Variants in RGS7 observed in about 807,000 individuals in gnomAD.
The protein encoded by RGS7 is regulator of G-protein signaling 7.
Under a neutral mutation model 81.1 loss-of-function variants are expected in RGS7, and 27 were observed. The ratio of observed to expected loss-of-function variants is 0.33; its 90% CI spans 0.25 to 0.46. The LOEUF (loss-of-function observed/expected upper bound fraction) is 0.46. Among genes scored for constraint, RGS7 ranks in the 20% least tolerant of loss-of-function variants. The pLI is 1.00. For missense variants in RGS7, 396 were observed against 607.4 expected (o/e 0.65, Z 3.66); for synonymous variants, 208 against 207.7 (o/e 1.00, Z -0.01).
intron 1 of RGS7, 77 bp from the exon 2 acceptor site, chr1:241,355,903 C>T: frequency 1.3e-6 from 1 of 788,684 alleles, no homozygotes; most frequent in Non-Finnish European, 2.2e-6. Flanking sequence ...ACAGCACCCA[C>T]CCCACATGGC....
intron 2 of RGS7, among the ~76,000 whole-genome samples, chr1:241,264,642 T>C (rs1291568575): frequency 6.6e-6 from 1 of 152,248 alleles, no homozygotes; most frequent in East Asian, 1.9e-4. Flanking sequence ...ATGAAATGAA[T>C]GTATTCAGGT....
At position 240,782,172 on chromosome 1, in the gene RGS7, G is replaced by A. The variant is rs191145066; in HGVS notation, c.*7-5959C>T. Among the ~76,000 whole-genome samples the A allele has an allele frequency of 7.2e-3, 1,103 of 152,280 alleles. 17 individuals are homozygous for A. The highest frequency in any genetic ancestry group is 0.023 in the African/African-American group (972 of 41,556). On this transcript the variant is annotated intron_variant, in intron 18 of 18. Coordinates refer to ENST00000440928, the MANE Select transcript of RGS7 (RefSeq NM_001364886.1). ...ACATAGTGGAAAGGAAAATGCATAA[G>A]CCCTACTCTAGTGCACAAAGAAATG...
chr1:241,142,143 C>T (rs1260873344), intron 2 of RGS7, among the ~76,000 whole-genome samples: 1 of 152,220 alleles, frequency 6.6e-6, no homozygotes, highest in Non-Finnish European at 1.5e-5. Flanking sequence ...CAGCTCCACC[C>T]CTGTGGCTCT....
chr1:241,017,439 CAAAAA>C (rs554731685), intron 3 of RGS7, among the ~76,000 whole-genome samples: 2 of 73,096 alleles, frequency 2.7e-5, no homozygotes, highest in East Asian at 5.3e-4. Context: ...CACTCTGTCT[CAAAAA>C]AAAAAAAAAA....
At chr1:241,120,960 G>A (rs12025762) in intron 2 of RGS7, among the ~76,000 whole-genome samples, 43,213 of 151,932 alleles carry the variant, frequency 0.28, 7,486 homozygotes, top group African/African-American at 0.49. Context: ...GACTCAAGGC[G>A]AGGACACCGT....
At chr1:241,003,305 C>T (rs780341981) in intron 3 of RGS7, among the ~76,000 whole-genome samples, 5 of 151,484 alleles carry the variant, frequency 3.3e-5, no homozygotes, top group Non-Finnish European at 5.9e-5. Flanking sequence ...ACTAAAAATA[C>T]AAAAAATTAG....
intron 2 of RGS7, among the ~76,000 whole-genome samples, chr1:241,219,305 G>A (rs2147975646): frequency 6.6e-6 from 1 of 152,144 alleles, no homozygotes; most frequent in Middle Eastern, 3.4e-3. Flanking sequence ...TTAAAAAGAG[G>A]AGTTTCCCTG....
intron 9 of RGS7, among the ~76,000 whole-genome samples, chr1:240,840,101 T>C (rs1027565304): frequency 6.6e-6 from 1 of 152,114 alleles, no homozygotes; most frequent in African/African-American, 2.4e-5. Flanking sequence ...TTCTAATTCC[T>C]CTCTTGCTTT....
chr1:241,249,600 G>A (rs561182645), intron 2 of RGS7, among the ~76,000 whole-genome samples: 140 of 152,124 alleles, frequency 9.2e-4, no homozygotes, highest in Non-Finnish European at 1.3e-3. Flanking sequence ...CAGGTTCTAC[G>A]AAAAAGCCTG....
chr1:241,222,971 A>G (rs2075103744), intron 2 of RGS7, among the ~76,000 whole-genome samples: 1 of 152,106 alleles, frequency 6.6e-6, no homozygotes, highest in African/African-American at 2.4e-5. Flanking sequence ...AGCTTCATTC[A>G]TGTCCCTGCA....
chr1:241,082,346 A>G (rs1482889182), intron 3 of RGS7, among the ~76,000 whole-genome samples: 1 of 152,238 alleles, frequency 6.6e-6, no homozygotes. Context: ...AGCGACAGCT[A>G]TCTAGGAAAA....
chr1:240,925,500 A>G (rs184948903), intron 6 of RGS7, among the ~76,000 whole-genome samples: 173 of 152,148 alleles, frequency 1.1e-3, no homozygotes, highest in African/African-American at 4.0e-3. Context: ...GTGTATATAT[A>G]TTACATTTTC....
intron 3 of RGS7, among the ~76,000 whole-genome samples, chr1:241,018,622 G>A (rs1167229996): frequency 6.6e-6 from 1 of 151,954 alleles, no homozygotes; most frequent in African/African-American, 2.4e-5. Context: ...CTATACTGGA[G>A]GCTTATTGGT....
intron 2 of RGS7, among the ~76,000 whole-genome samples, chr1:241,274,607 A>T (rs989741115): frequency 6.6e-6 from 1 of 152,224 alleles, no homozygotes; most frequent in Non-Finnish European, 1.5e-5. Flanking sequence ...AGTAAACTCT[A>T]ATGTATTTAA....
At chr1:241,153,765 G>C (rs1270197417) in intron 2 of RGS7, among the ~76,000 whole-genome samples, 1 of 152,240 alleles carries the variant, frequency 6.6e-6, no homozygotes, top group African/African-American at 2.4e-5. Flanking sequence ...AATAGGGACA[G>C]AGAAGCAAGT....
intron 3 of RGS7, among the ~76,000 whole-genome samples, chr1:240,995,209 T>C (rs1572171614): frequency 6.6e-6 from 1 of 152,350 alleles, no homozygotes; most frequent in East Asian, 1.9e-4. Context: ...TTATGGTGTA[T>C]AATTATTTTT....
At position 241,028,302 on chromosome 1, in the gene RGS7, T is replaced by C. The variant is rs568972469; in HGVS notation, c.176-45173A>G. Among the ~76,000 whole-genome samples, 204 of 152,330 alleles carry C rather than the reference T, an allele frequency of 1.3e-3. 2 individuals are homozygous for C. The highest frequency in any genetic ancestry group is 4.8e-3 in the African/African-American group (199 of 41,578). On this transcript the variant is annotated intron_variant, in intron 3 of 18. Transcript: ENST00000440928. ...AAAGTACAAGAAATCTGCTTGTGAA[T>C]TGAATTTACCTGACAGTGTCAACAT...
chr1:241,139,996 T>TA (rs1451546205), intron 2 of RGS7, among the ~76,000 whole-genome samples: 1 of 152,180 alleles, frequency 6.6e-6, no homozygotes, highest in Non-Finnish European at 1.5e-5. Context: ...GCTACCCCTT[T>TA]ATGTGAACAG....
At chr1:241,272,985 T>C (rs2077994713) in intron 2 of RGS7, among the ~76,000 whole-genome samples, 1 of 152,142 alleles carries the variant, frequency 6.6e-6, no homozygotes, top group Non-Finnish European at 1.5e-5. Flanking sequence ...TTAACATATA[T>C]ACATATGTAT....
Sources: gnomAD v4.1 joint callset for allele counts (sites outside exome capture counted in the v4.1 genomes callset) on GRCh38, gnomAD v4.1.1 for gene constraint, MANE v1.5 for transcripts, NCBI Gene and HGNC (gene_info 2026-07-23, HGNC 2026-07-21) for gene names.